Variants in HSPH1 observed in about 807,000 individuals in gnomAD.
The protein encoded by HSPH1 is heat shock protein family H (Hsp110) member 1.
HSPH1 carries 40 observed loss-of-function variants against 100.0 expected under a neutral mutation model. That is an observed-to-expected ratio of 0.40 (90% CI 0.31 to 0.52). The LOEUF (loss-of-function observed/expected upper bound fraction) is 0.52. Among genes scored for constraint, HSPH1 ranks in the 20% least tolerant of loss-of-function variants. HSPH1 has a pLI of 0.54. For missense variants in HSPH1, 876 were observed against 1,015.1 expected (o/e 0.86, Z 1.86); for synonymous variants, 403 against 344.0 (o/e 1.17, Z -1.90).
Position 31,151,170 on chromosome 13 carries a change from G to T in HSPH1, c.685C>A (p.Pro229Thr). 1 of 1,611,336 alleles carries T rather than the reference G, an allele frequency of 6.2e-7. No homozygotes were observed. The highest frequency in any genetic ancestry group is 1.1e-5 in the South Asian group (1 of 90,790). The stretch of plus-strand genomic sequence containing the variant: ...TCGAAGTTTTTTCCTCCTAAGAAAG[G>T]ATCAAAAGCTGTTCCCAGTACCTAA... Reference protein sequence around the residue: ...KLKVLGTAFDPFLGGKNFDEK... With the variant: ...KLKVLGTAFDTFLGGKNFDEK... The change falls in exon 7 of 18, where the codon CCT becomes ACT. Residue 229 changes from proline to threonine, a missense_variant. Coordinates refer to ENST00000320027, the MANE Select transcript of HSPH1 (RefSeq NM_006644.4).
chr13:31,154,547 A>G, intron 4 of HSPH1, 86 bp downstream of exon 4: 3 of 1,471,318 alleles, frequency 2.0e-6, no homozygotes, highest in Non-Finnish European at 2.9e-6. Context: ...TAACTAAAGA[A>G]CAGCTTTCCC....
upstream of HSPH1, chr13:31,162,172 C>T: frequency 3.1e-6 from 4 of 1,301,828 alleles, no homozygotes; most frequent in Non-Finnish European, 3.2e-6. Flanking sequence ...AGGCGTTTTG[C>T]TGCCCTAATA....
intron 10 of HSPH1, 131 bp downstream of exon 10, chr13:31,147,828 G>T (rs1956323461): frequency 1.3e-6 from 1 of 760,406 alleles, no homozygotes; most frequent in Non-Finnish European, 2.1e-6. Context: ...ATTCTAAACA[G>T]AAAATGTCTT....
intron 12 of HSPH1, among the ~76,000 whole-genome samples, chr13:31,142,823 A>C (rs1057185317): frequency 6.6e-6 from 1 of 152,090 alleles, no homozygotes; most frequent in Non-Finnish European, 1.5e-5. Flanking sequence ...TGCTCATCCC[A>C]AGTCAAGGAG....
chr13:31,158,887 A>T (rs1176361854), intron 1 of HSPH1, 24 bp from the exon 2 acceptor site: 1 of 1,393,098 alleles, frequency 7.2e-7, no homozygotes, highest in Non-Finnish European at 1.0e-6. Context: ...TATTCCAAAA[A>T]ATTAAAAAGC....
intron 1 of HSPH1, among the ~76,000 whole-genome samples, 196 bp downstream of exon 1, chr13:31,161,280 C>G (rs1956897873): frequency 6.6e-6 from 1 of 152,182 alleles, no homozygotes; most frequent in East Asian, 1.9e-4. Flanking sequence ...TGAGACAATC[C>G]CTTCTCCAAT....
At chr13:31,149,475 T>C (rs1199482438) in intron 8 of HSPH1, among the ~76,000 whole-genome samples, 1 of 152,190 alleles carries the variant, frequency 6.6e-6, no homozygotes, top group Non-Finnish European at 1.5e-5. Flanking sequence ...CCAAACTAAC[T>C]TCATGCTTCT....
chr13:31,155,447 T>C (rs1956649355), intron 3 of HSPH1, 67 bp downstream of exon 3: 1 of 1,306,578 alleles, frequency 7.7e-7, no homozygotes, highest in Non-Finnish European at 1.1e-6. Context: ...AAGTAATAAC[T>C]CAAATAAGTT....
chr13:31,156,545 C>G (rs1956702090), intron 2 of HSPH1, among the ~76,000 whole-genome samples: 1 of 140,306 alleles, frequency 7.1e-6, no homozygotes, highest in South Asian at 2.3e-4. Context: ...GCTTGGGTAA[C>G]AAGGGTGAAA....
In HSPH1 at chr13:31,137,405, G is replaced by A; in HGVS notation, c.2490C>T (p.Asp830=). ...GAGGTTCAGCACCAAAATTGTTTTT[G>A]TCTTCTAAATCTTCTTCCTTTTTAT... ...NIDKKEEDLE[D]KNNFGAEPPH... The change falls in exon 18 of 18, where the codon GAC becomes GAT. Residue 830 remains aspartate (D), a synonymous_variant. Coordinates refer to ENST00000320027, the MANE Select transcript of HSPH1 (RefSeq NM_006644.4). 3 of 1,613,304 alleles carry A rather than the reference G, an allele frequency of 1.9e-6. No homozygotes were observed. Among genetic ancestry groups the A allele is most frequent in the Non-Finnish European group, 1.7e-6 (2 of 1,179,522 alleles).
At chr13:31,138,693 A>ATT in intron 16 of HSPH1, 88 bp downstream of exon 16, 9 of 1,535,690 alleles carry the variant, frequency 5.9e-6, no homozygotes, top group Non-Finnish European at 7.9e-6. Flanking sequence ...TTTCAAAGTT[A>ATT]AGACTATTCA....
chr13:31,147,020 A>G (rs996527730), intron 10 of HSPH1, among the ~76,000 whole-genome samples: 1 of 152,200 alleles, frequency 6.6e-6, no homozygotes. Flanking sequence ...ATATTTGCCA[A>G]AAGATCCATC....
At chr13:31,141,704 G>A (rs1956096952) in intron 12 of HSPH1, among the ~76,000 whole-genome samples, 1 of 151,990 alleles carries the variant, frequency 6.6e-6, no homozygotes, top group South Asian at 2.1e-4. Flanking sequence ...ATGCCAGTAT[G>A]CCTGCTTTAA....
upstream of HSPH1, chr13:31,162,362 G>A (rs1211358103): frequency 1.8e-6 from 1 of 546,904 alleles, no homozygotes; most frequent in Admixed American, 3.1e-5. Flanking sequence ...AGCATGTTGG[G>A]AATCGTAGTC....
At chr13:31,138,308 A>G in intron 17 of HSPH1, 99 bp downstream of exon 17, 2 of 1,131,472 alleles carry the variant, frequency 1.8e-6, no homozygotes, top group East Asian at 2.4e-5. Flanking sequence ...AGGATGAGGT[A>G]AAAGATTTAC....
chr13:31,148,498 A>G lies in HSPH1; in HGVS notation c.1138-18T>C. 1 of 1,215,194 alleles carries G rather than the reference A, an allele frequency of 8.2e-7. No individual in the cohort carries two copies. Among genetic ancestry groups the G allele is most frequent in the Non-Finnish European group, 1.1e-6 (1 of 882,930 alleles). The allele number at this position is 1,215,194 out of a possible 1,614,324, so 75.3% of individuals were successfully genotyped here. On this transcript the variant is annotated intron_variant, in intron 8 of 17. Transcript: ENST00000320027. Reference sequence around the variant, plus strand: ...ATTGCACACTTAAAAAAAAAAAAAAAAATCATGAGCACATGAACACTTCCC... The same window carrying G: ...ATTGCACACTTAAAAAAAAAAAAAAGAATCATGAGCACATGAACACTTCCC...
At chr13:31,148,816 A>AATAC (rs1186578437) in intron 8 of HSPH1, among the ~76,000 whole-genome samples, 1 of 152,106 alleles carries the variant, frequency 6.6e-6, no homozygotes, top group Non-Finnish European at 1.5e-5. Flanking sequence ...GAATATGTAT[A>AATAC]ATACATACAT....
intron 4 of HSPH1, chr13:31,154,255 G>A (rs186599604): frequency 1.4e-4 from 35 of 245,092 alleles, no homozygotes; most frequent in Admixed American, 1.3e-3. Context: ...GGTAAGCTAC[G>A]TTTTAAAACT....
At chr13:31,137,569 C>G (rs377341710) in intron 17 of HSPH1, 45 bp from the exon 18 acceptor site, 2 of 1,449,848 alleles carry the variant, frequency 1.4e-6, no homozygotes, top group Non-Finnish European at 1.9e-6. Context: ...CAGATCCATC[C>G]AGTTCATTTT....
Sources: gnomAD v4.1 joint callset for allele counts (sites outside exome capture counted in the v4.1 genomes callset) on GRCh38, gnomAD v4.1.1 for gene constraint, MANE v1.5 for transcripts, NCBI Gene and HGNC (gene_info 2026-07-23, HGNC 2026-07-21) for gene names.